NRXN1: variants seen among roughly 807,000 people sequenced by gnomAD.
NRXN1 encodes the protein neurexin-1.
A neutral mutation model predicts 150.9 loss-of-function variants in NRXN1; 39 were observed. That is an observed-to-expected ratio of 0.26 (90% CI 0.20 to 0.34). The LOEUF (loss-of-function observed/expected upper bound fraction) is 0.34. Ranked by LOEUF, NRXN1 falls within the 10% of genes least tolerant of loss-of-function variation. The probability of loss-of-function intolerance (pLI) is 1.00; values close to 1 mark genes in which losing one functional copy is unlikely to be tolerated. For missense variants in NRXN1, 1,815 were observed against 1,949.9 expected (o/e 0.93, Z 1.30); for synonymous variants, 924 against 757.0 (o/e 1.22, Z -3.62).
intron 17 of NRXN1, among the ~76,000 whole-genome samples, chr2:50,254,184 T>G (rs78108663): frequency 1.3e-5 from 2 of 151,966 alleles, no homozygotes; most frequent in African/African-American, 2.4e-5. Flanking sequence ...TTCTCTAGAT[T>G]TTCTAGTTTG....
At chr2:49,925,434 C>T (rs112359213) in intron 22 of NRXN1, among the ~76,000 whole-genome samples, 302 of 152,076 alleles carry the variant, frequency 2.0e-3, no homozygotes, top group African/African-American at 7.0e-3. Context: ...TTGATGATCA[C>T]TGAGAAATCT....
At chr2:50,203,768 A>G (rs1230417757) in intron 18 of NRXN1, among the ~76,000 whole-genome samples, 1 of 152,190 alleles carries the variant, frequency 6.6e-6, no homozygotes, top group African/African-American at 2.4e-5. Flanking sequence ...TGGCATTTCA[A>G]AGAAATAGCT....
At chr2:50,024,820 G>A (rs921846950) in intron 21 of NRXN1, among the ~76,000 whole-genome samples, 3 of 152,106 alleles carry the variant, frequency 2.0e-5, no homozygotes, top group East Asian at 1.9e-4. Context: ...GTTTCATCAC[G>A]TTGGCCAGGT....
chr2:50,345,158 C>T (rs548298613), intron 17 of NRXN1, among the ~76,000 whole-genome samples: 1 of 152,282 alleles, frequency 6.6e-6, no homozygotes, highest in Admixed American at 6.5e-5. Context: ...ACTAGACACT[C>T]TTAACTGGAG....
intron 21 of NRXN1, among the ~76,000 whole-genome samples, chr2:50,037,598 G>T (rs1690239137): frequency 6.6e-6 from 1 of 152,184 alleles, no homozygotes; most frequent in South Asian, 2.1e-4. Flanking sequence ...GAAGGCTATT[G>T]TGCTGGCTTA....
At chr2:50,520,700 C>T (rs1466386043) in intron 12 of NRXN1, among the ~76,000 whole-genome samples, 2 of 151,788 alleles carry the variant, frequency 1.3e-5, no homozygotes, top group Non-Finnish European at 2.9e-5. Flanking sequence ...TTATTTTTAG[C>T]AGTATAAAAT....
intron 5 of NRXN1, among the ~76,000 whole-genome samples, chr2:50,726,302 G>A (rs978048316): frequency 2.0e-5 from 3 of 152,170 alleles, no homozygotes; most frequent in Non-Finnish European, 2.9e-5. Flanking sequence ...AGATAAGGCA[G>A]CCATCAAGTT....
intron 22 of NRXN1, among the ~76,000 whole-genome samples, chr2:49,932,138 G>A (rs1407303096): frequency 1.3e-5 from 2 of 152,170 alleles, no homozygotes; most frequent in Admixed American, 1.3e-4. Flanking sequence ...TGAGTTTGCT[G>A]GGCATGGTAA....
chr2:50,062,425 T>C (rs1694686157), intron 19 of NRXN1, among the ~76,000 whole-genome samples: 1 of 152,162 alleles, frequency 6.6e-6, no homozygotes, highest in South Asian at 2.1e-4. Context: ...TTCCTAGTCT[T>C]CCGAATTGAA....
chr2:50,800,529 G>T (rs1360766569), intron 5 of NRXN1, among the ~76,000 whole-genome samples: 2 of 152,118 alleles, frequency 1.3e-5, no homozygotes, highest in African/African-American at 4.8e-5. Context: ...CTATGGAATA[G>T]CTATAAAATG....
intron 18 of NRXN1, among the ~76,000 whole-genome samples, chr2:50,159,775 T>A (rs1312833321): frequency 2.6e-5 from 4 of 152,132 alleles, no homozygotes; most frequent in Non-Finnish European, 5.9e-5. Flanking sequence ...GAAGGAAGGA[T>A]GTTCCAATGA....
intron 5 of NRXN1, among the ~76,000 whole-genome samples, chr2:50,681,010 G>A (rs1008002432): frequency 6.6e-6 from 1 of 152,078 alleles, no homozygotes; most frequent in Admixed American, 6.5e-5. Flanking sequence ...TTCACATAAA[G>A]TGAATCAAAA....
At chr2:50,229,114 C>G (rs74569329) in intron 18 of NRXN1, among the ~76,000 whole-genome samples, 2,781 of 152,030 alleles carry the variant, frequency 0.018, 39 homozygotes, top group Non-Finnish European at 0.028. Flanking sequence ...CTTGAGTACC[C>G]CCTATCTATG....
At position 50,495,978 on chromosome 2, in the gene NRXN1, G is replaced by A. The variant is rs983384545; in HGVS notation, c.2997C>T (p.Asn999=). The A allele has an allele frequency of 1.2e-6, 2 of 1,613,398 alleles. No homozygotes were observed. Among genetic ancestry groups the A allele is most frequent in the African/African-American group, 1.3e-5 (1 of 74,896 alleles). The change falls in exon 15 of 23, where the codon AAC becomes AAT. Residue 999 remains asparagine, a synonymous_variant. Transcript: ENST00000401669. ...TTGTGTCAATCTTTACAGTGTGGAGGTTGCTGGTGTCCCTTGATATCATCA... is the reference window on the plus strand; with the variant it reads ...TTGTGTCAATCTTTACAGTGTGGAGATTGCTGGTGTCCCTTGATATCATCA... ...HNVMISRDTS[N]LHTVKIDTKI...
At chr2:50,063,783 A>C (rs1694933217) in intron 19 of NRXN1, among the ~76,000 whole-genome samples, 1 of 152,220 alleles carries the variant, frequency 6.6e-6, no homozygotes, top group South Asian at 2.1e-4. Flanking sequence ...TAGATTCTAG[A>C]TTCCTTGTGA....
At chr2:50,430,876 T>C (rs2084911458) in intron 17 of NRXN1, among the ~76,000 whole-genome samples, 1 of 152,158 alleles carries the variant, frequency 6.6e-6, no homozygotes, top group Non-Finnish European at 1.5e-5. Context: ...CTGTTCTAAA[T>C]TGCCTCCACA....
intron 2 of NRXN1, among the ~76,000 whole-genome samples, chr2:51,010,659 A>C (rs1194583507): frequency 4.6e-5 from 7 of 152,046 alleles, no homozygotes; most frequent in African/African-American, 1.7e-4. Context: ...ACACATTTAC[A>C]TTTTCATAGT....
chr2:50,097,745 T>C (rs1304135940), intron 18 of NRXN1, among the ~76,000 whole-genome samples: 2 of 152,096 alleles, frequency 1.3e-5, no homozygotes, highest in Non-Finnish European at 2.9e-5. Flanking sequence ...GTTCAAGTGA[T>C]TCTCCTGCCT....
intron 2 of NRXN1, among the ~76,000 whole-genome samples, chr2:50,941,461 C>G (rs1004016909): frequency 6.6e-6 from 1 of 152,138 alleles, no homozygotes; most frequent in Non-Finnish European, 1.5e-5. Flanking sequence ...GACCAAAATA[C>G]TGATAGTGAT....
Sources: gnomAD v4.1 joint callset for allele counts (sites outside exome capture counted in the v4.1 genomes callset) on GRCh38, gnomAD v4.1.1 for gene constraint, MANE v1.5 for transcripts, NCBI Gene and HGNC (gene_info 2026-07-23, HGNC 2026-07-21) for gene names.